SPTBN4: variants seen among roughly 807,000 people sequenced by gnomAD.
The protein encoded by SPTBN4 is spectrin beta chain, non-erythrocytic 4.
SPTBN4 carries 96 observed loss-of-function variants against 277.8 expected under a neutral mutation model. The observed-to-expected ratio is 0.35, with a 90% CI of 0.29 to 0.41. The LOEUF (loss-of-function observed/expected upper bound fraction) is 0.41. Ranked by LOEUF, SPTBN4 falls within the 10% of genes least tolerant of loss-of-function variation. SPTBN4 has a pLI of 1.00. For missense variants in SPTBN4, 3,006 were observed against 3,595.7 expected (o/e 0.84, Z 4.19); for synonymous variants, 1,481 against 1,580.3 (o/e 0.94, Z 1.49).
intron 20 of SPTBN4, among the ~76,000 whole-genome samples, 153 bp from the exon 21 acceptor site, chr19:40,549,036 C>T (rs1385423203): frequency 6.6e-6 from 1 of 152,190 alleles, no homozygotes; most frequent in Non-Finnish European, 1.5e-5. Flanking sequence ...CAGGTTCATG[C>T]GGAGCGCATC....
intron 13 of SPTBN4, among the ~76,000 whole-genome samples, chr19:40,511,404 T>C (rs1206729546): frequency 7.2e-5 from 11 of 152,164 alleles, no homozygotes. Context: ...AGAGACTCTG[T>C]CTCAATCAAA....
chr19:40,512,991 G>A lies in SPTBN4; in HGVS notation c.2202G>A (p.Pro734=), dbSNP rs959491144. The change falls in exon 14 of 36, where the codon CCG becomes CCA. Residue 734 remains proline (P), a synonymous_variant. Coordinates refer to ENST00000598249, the MANE Select transcript of SPTBN4 (RefSeq NM_020971.3). ...ELVAAGGAVG[P]GADTVHLVGL... is the part of the protein sequence containing the mutation. Reference sequence around the variant, plus strand: ...TTGCGGCCGGCGGTGCCGTCGGCCCGGGAGCAGACACCGTGCACCTGGTAG... The same window carrying A: ...TTGCGGCCGGCGGTGCCGTCGGCCCAGGAGCAGACACCGTGCACCTGGTAG... The A allele has an allele frequency of 1.4e-6, 2 of 1,421,122 alleles. No individual in the cohort carries two copies. Among genetic ancestry groups the A allele is most frequent in the African/African-American group, 1.5e-5 (1 of 66,062 alleles). The allele number at this position is 1,421,122 out of a possible 1,614,324, so 88.0% of individuals were successfully genotyped here. A position where few individuals can be genotyped will look rare whatever the true frequency, so the allele number is the denominator to read the frequency against.
At chr19:40,558,134 C>T (rs901912395) in intron 26 of SPTBN4, among the ~76,000 whole-genome samples, 13 of 151,602 alleles carry the variant, frequency 8.6e-5, no homozygotes, top group African/African-American at 3.2e-4. Flanking sequence ...TCGAGGCGGG[C>T]AGATCATGAG....
At chr19:40,499,847 G>T (rs1258736279) in intron 7 of SPTBN4, among the ~76,000 whole-genome samples, 6 of 152,130 alleles carry the variant, frequency 3.9e-5, no homozygotes, top group Non-Finnish European at 2.9e-5. Flanking sequence ...TGTATCCTGT[G>T]CTCAGTGCCT....
At chr19:40,532,290 G>A in intron 18 of SPTBN4, among the ~76,000 whole-genome samples, 1 of 12,238 alleles carries the variant, frequency 8.2e-5, no homozygotes, top group East Asian at 3.6e-4. Context: ...GCTTGTTTTG[G>A]GGGGGGTGAT....
chr19:40,539,596 C>T (rs761431299), intron 20 of SPTBN4, among the ~76,000 whole-genome samples: 7 of 151,872 alleles, frequency 4.6e-5, no homozygotes, highest in Admixed American at 1.3e-4. Context: ...CCTGCCTCAG[C>T]GTCCTCCTGA....
chr19:40,570,544 A>C lies in SPTBN4; in HGVS notation c.7135A>C (p.Lys2379Gln). The C allele has an allele frequency of 1.5e-6, 2 of 1,364,610 alleles. No individual in the cohort carries two copies. The highest frequency in any genetic ancestry group is 9.4e-7 in the Non-Finnish European group (1 of 1,063,872). The allele number at this position is 1,364,610 out of a possible 1,614,324, so 84.5% of individuals were successfully genotyped here. A position where few individuals can be genotyped will look rare whatever the true frequency, so the allele number is the denominator to read the frequency against. ...CCGGCCCCGGGCGCGGGACCGGCCCAAGCCGCGACGGCGGCCGCGGCCCAG... is the reference window on the plus strand; with the variant it reads ...CCGGCCCCGGGCGCGGGACCGGCCCCAGCCGCGACGGCGGCCGCGGCCCAG... ...PDRPRARDRP[K>Q]PRRRPRPREG... The change falls in exon 33 of 36, where the codon AAG becomes CAG. Residue 2379 changes from lysine to glutamine, a missense_variant. By Grantham distance (53) the Lys-to-Gln change is moderately conservative. Around this residue, in one of 5 missense-constraint regions of SPTBN4, gnomAD observed 630 missense variants for 677.6 expected, o/e 0.93. Transcript: ENST00000598249.
rs780804535 is a variant in SPTBN4 at position 40,556,118 on chromosome 19, C to T, written c.5119C>T (p.Arg1707Cys). 8.1e-6 allele frequency: 13 copies of T among 1,612,352 alleles called. No homozygotes were observed. The highest frequency in any genetic ancestry group is 1.3e-5 in the African/African-American group (1 of 74,964). Residue 1707 changes from arginine to cysteine, a missense_variant, in exon 25 of 36, where the codon CGC (arginine) becomes TGC (cysteine). Coordinates refer to ENST00000598249, the MANE Select transcript of SPTBN4 (RefSeq NM_020971.3). Reference sequence around the variant, plus strand: ...CAGCCGGCGGCAGTCTCAGGTGGACCGCCTGTACGTGGCGCTCAAGGAGCT... The same window carrying T: ...CAGCCGGCGGCAGTCTCAGGTGGACTGCCTGTACGTGGCGCTCAAGGAGCT... Reference protein sequence around the residue: ...QISRRQSQVDRLYVALKELGE... With the variant: ...QISRRQSQVDCLYVALKELGE...
At chr19:40,506,955 G>A (rs1365289625) in intron 13 of SPTBN4, among the ~76,000 whole-genome samples, 1 of 152,204 alleles carries the variant, frequency 6.6e-6, no homozygotes, top group African/African-American at 2.4e-5. Flanking sequence ...CTACACTCCA[G>A]CCTGGGTGAC....
At chr19:40,473,300 T>G (rs2079907383) in intron 2 of SPTBN4, among the ~76,000 whole-genome samples, 1 of 152,018 alleles carries the variant, frequency 6.6e-6, no homozygotes, top group Non-Finnish European at 1.5e-5. Context: ...TCCACTTGCT[T>G]TGGCTTCCCA....
chr19:40,561,377 T>A (rs8107961), intron 27 of SPTBN4, among the ~76,000 whole-genome samples: 3 of 151,960 alleles, frequency 2.0e-5, no homozygotes, highest in African/African-American at 4.8e-5. Flanking sequence ...CAGGGACACC[T>A]GGCATTGCTT....
Position 40,523,568 on chromosome 19 carries a change from A to C in SPTBN4, c.3786A>C (p.Ala1262=). ...AGATGCAGGTGGCCGTGCAGGCTGC[A>C]GAGGGCCTGCTGAGGCAGGGCAACA... is the stretch of plus-strand genomic sequence containing the variant. ...QQKMQVAVQA[A]EGLLRQGNIY... is the part of the protein sequence containing the mutation. Residue 1262 remains alanine, a synonymous_variant, in exon 17 of 36, where the codon GCA becomes GCC. Coordinates refer to ENST00000598249, the MANE Select transcript of SPTBN4 (RefSeq NM_020971.3). 1 of 1,614,200 alleles carries C rather than the reference A, an allele frequency of 6.2e-7. No individual in the cohort carries two copies. The highest frequency in any genetic ancestry group is 2.2e-5 in the East Asian group (1 of 44,878).
intron 18 of SPTBN4, among the ~76,000 whole-genome samples, chr19:40,531,347 T>C (rs2080667877): frequency 6.6e-6 from 1 of 151,188 alleles, no homozygotes; most frequent in South Asian, 2.1e-4. Flanking sequence ...CCTGGACCCC[T>C]GGGGAGCACA....
At chr19:40,499,383 CT>C in intron 7 of SPTBN4, among the ~76,000 whole-genome samples, 1 of 151,818 alleles carries the variant, frequency 6.6e-6, no homozygotes, top group African/African-American at 2.4e-5. Context: ...TATTTAAACC[CT>C]GTTTAATTAT....
At chr19:40,529,249 C>G in intron 18 of SPTBN4, 118 bp downstream of exon 18, 1 of 970,768 alleles carries the variant, frequency 1.0e-6, no homozygotes, top group Non-Finnish European at 1.6e-6. Context: ...GCGATGCTCG[C>G]TCTAAGCCGC....
intron 18 of SPTBN4, among the ~76,000 whole-genome samples, chr19:40,531,890 G>T (rs1196535638): frequency 6.6e-6 from 1 of 151,968 alleles, no homozygotes; most frequent in African/African-American, 2.4e-5. Context: ...TTCACATTTG[G>T]CTGGGGTTGG....
chr19:40,551,227 C>T (rs1345887808), intron 22 of SPTBN4, among the ~76,000 whole-genome samples: 1 of 152,118 alleles, frequency 6.6e-6, no homozygotes, highest in East Asian at 1.9e-4. Context: ...CAAACAAAAT[C>T]ACAAAACATC....
chr19:40,556,861 A>G (rs2080984583), intron 25 of SPTBN4, among the ~76,000 whole-genome samples, 162 bp from the exon 26 acceptor site: 1 of 152,074 alleles, frequency 6.6e-6, no homozygotes, highest in Admixed American at 6.6e-5. Flanking sequence ...TGGGGAGGTG[A>G]AGGTTGCTGT....
At chr19:40,471,359 A>G (rs1412002045) in intron 1 of SPTBN4, among the ~76,000 whole-genome samples, 1 of 152,210 alleles carries the variant, frequency 6.6e-6, no homozygotes, top group African/African-American at 2.4e-5. Context: ...AATAATAGCC[A>G]ACTGTTAGGG....
Sources: allele counts gnomAD v4.1 joint callset (sites outside exome capture counted in the v4.1 genomes callset), GRCh38; gene constraint gnomAD v4.1.1; regional missense constraint gnomAD v4.1.1; transcripts MANE v1.5; gene names NCBI Gene and HGNC (gene_info 2026-07-23, HGNC 2026-07-21).